The following PRKN variants were observed in gnomAD, a reference collection of about 807,000 sequenced individuals.
PRKN encodes E3 ubiquitin-protein ligase parkin.
In PRKN, 56 loss-of-function variants were observed where a neutral mutation model predicts 59.5. That is an observed-to-expected ratio of 0.94 (90% CI 0.76 to 1.18). The LOEUF (loss-of-function observed/expected upper bound fraction) is 1.18. PRKN is among the 50% of genes most tolerant of loss of function. PRKN has a pLI of 0.00. For synonymous variants in PRKN, 250 were observed against 222.1 expected (o/e 1.13, Z -1.12); for missense variants, 657 against 596.4 (o/e 1.10, Z -1.06).
intron 6 of PRKN, among the ~76,000 whole-genome samples, chr6:161,873,756 C>A (rs1449583366): frequency 6.6e-6 from 1 of 151,168 alleles, no homozygotes; most frequent in Non-Finnish European, 1.5e-5. Flanking sequence ...CCTATTTCCC[C>A]TACTATTAAC....
At chr6:162,180,000 GTGTGTGTA>G (rs1212943368) in intron 4 of PRKN, among the ~76,000 whole-genome samples, 190 of 116,970 alleles carry the variant, frequency 1.6e-3, no homozygotes, top group African/African-American at 4.4e-3. Flanking sequence ...GTGTGTGTGT[GTGTGTGTA>G]TGTGTGTAGC....
chr6:162,529,579 A>G (rs550086766), intron 1 of PRKN, among the ~76,000 whole-genome samples: 1 of 152,292 alleles, frequency 6.6e-6, no homozygotes, highest in African/African-American at 2.4e-5. Flanking sequence ...TGACCCATCC[A>G]GTCTCTCGAA....
chr6:161,547,892 T>G lies in PRKN; in HGVS notation c.1083+962A>C, dbSNP rs1471711757. ...TTCAACTTCCACTTCCTCTACTCCA[T>G]TGCTCAACCCAGGATTTTATGAGCC... is the stretch of plus-strand genomic sequence containing the variant. On this transcript the variant is annotated intron_variant, in intron 9 of 11. Coordinates refer to ENST00000366898, the MANE Select transcript of PRKN (RefSeq NM_004562.3). The surrounding 1 kb of genome is among the most constrained non-coding windows in gnomAD (Gnocchi z 4.0). Among the ~76,000 whole-genome samples, 2 of 152,184 alleles carry G rather than the reference T, an allele frequency of 1.3e-5. No individual in the cohort carries two copies. The highest frequency in any genetic ancestry group is 1.3e-4 in the Admixed American group (2 of 15,278).
chr6:162,532,963 T>C lies in PRKN; in HGVS notation c.8-89490A>G, dbSNP rs1778573072. ...AAAGCAGAAAAGATGCAATAATGTC[T>C]TGGCAATGTCAGTTCCCAAACACTG... is the stretch of plus-strand genomic sequence containing the variant. On this transcript the variant is annotated intron_variant, in intron 1 of 11. Coordinates refer to ENST00000366898, the MANE Select transcript of PRKN (RefSeq NM_004562.3). Among the ~76,000 whole-genome samples the C allele has an allele frequency of 2.0e-5, 3 of 152,248 alleles. 1 individual carries two copies. The South Asian group carries it at 6.2e-4, about 32-fold the overall frequency.
chr6:162,010,019 C>T (rs1054113134), intron 5 of PRKN, among the ~76,000 whole-genome samples: 2 of 151,194 alleles, frequency 1.3e-5, no homozygotes, highest in Non-Finnish European at 2.9e-5. Context: ...GCTAACTTCA[C>T]CTACGCTTGG....
intron 10 of PRKN, among the ~76,000 whole-genome samples, chr6:161,375,557 G>GA (rs1785660920): frequency 6.6e-6 from 1 of 152,250 alleles, no homozygotes; most frequent in African/African-American, 2.4e-5. Flanking sequence ...TACAAACGGC[G>GA]AAACACACAC....
chr6:162,533,307 T>C (rs2128197388), intron 1 of PRKN, among the ~76,000 whole-genome samples: 1 of 152,230 alleles, frequency 6.6e-6, no homozygotes, highest in South Asian at 2.1e-4. Flanking sequence ...GTGGGTCAGT[T>C]GAGGTCAGGA....
At chr6:161,933,249 A>T (rs1033277321) in intron 6 of PRKN, among the ~76,000 whole-genome samples, 3 of 152,214 alleles carry the variant, frequency 2.0e-5, no homozygotes, top group Non-Finnish European at 4.4e-5. Flanking sequence ...ACTGCACTCC[A>T]GCCTGGGTGA....
intron 4 of PRKN, among the ~76,000 whole-genome samples, chr6:162,060,654 T>C (rs4708934): frequency 0.3 from 46,075 of 152,086 alleles, 7,696 homozygotes; most frequent in East Asian, 0.62. Context: ...TCAGACACAG[T>C]CCAGACTGAC....
chr6:162,636,467 G>C (rs1777716890), intron 1 of PRKN, among the ~76,000 whole-genome samples: 2 of 152,164 alleles, frequency 1.3e-5, no homozygotes, highest in African/African-American at 4.8e-5. Flanking sequence ...GGCACAAAGA[G>C]GGTAAAGAGA....
At chr6:162,226,320 C>G (rs1183829257) in intron 3 of PRKN, among the ~76,000 whole-genome samples, 1 of 152,036 alleles carries the variant, frequency 6.6e-6, no homozygotes, top group East Asian at 1.9e-4. Context: ...AGAGTGCTCC[C>G]CTCCAAGGCT....
intron 5 of PRKN, among the ~76,000 whole-genome samples, chr6:162,028,763 T>C (rs1783532349): frequency 6.6e-6 from 1 of 152,150 alleles, no homozygotes; most frequent in African/African-American, 2.4e-5. Flanking sequence ...TGGATATTGG[T>C]GTTTTCACAT....
chr6:162,597,049 G>T (rs1226923788), intron 1 of PRKN, among the ~76,000 whole-genome samples: 10 of 152,184 alleles, frequency 6.6e-5, no homozygotes, highest in Non-Finnish European at 1.5e-5. Flanking sequence ...GGAAATGTTA[G>T]TGAACTAGTT....
At chr6:162,584,524 A>G (rs1336218980) in intron 1 of PRKN, among the ~76,000 whole-genome samples, 5 of 152,136 alleles carry the variant, frequency 3.3e-5, no homozygotes, top group African/African-American at 1.2e-4. Context: ...AATAATCAGA[A>G]TAATTCCCCT....
At chr6:161,815,146 A>G (rs1231943711) in intron 6 of PRKN, among the ~76,000 whole-genome samples, 1 of 152,228 alleles carries the variant, frequency 6.6e-6, no homozygotes, top group Non-Finnish European at 1.5e-5. Context: ...CCTGTGCAGT[A>G]TACAACCTAC....
At chr6:161,967,044 C>G (rs1270482200) in intron 6 of PRKN, among the ~76,000 whole-genome samples, 1 of 152,140 alleles carries the variant, frequency 6.6e-6, no homozygotes, top group Non-Finnish European at 1.5e-5. Context: ...GTTGGCCAGG[C>G]TGGTCTCGAA....
intron 6 of PRKN, among the ~76,000 whole-genome samples, chr6:161,948,768 G>C (rs1779875028): frequency 6.6e-6 from 1 of 152,158 alleles, no homozygotes; most frequent in South Asian, 2.1e-4. Flanking sequence ...GGCAAGAGGG[G>C]ACCCAGACAC....
At chr6:161,917,168 C>G (rs765865728) in intron 6 of PRKN, among the ~76,000 whole-genome samples, 1 of 151,884 alleles carries the variant, frequency 6.6e-6, no homozygotes. Context: ...TGCAATGACA[C>G]GATCTCGGCT....
chr6:161,396,968 C>G lies in PRKN; in HGVS notation c.1084-10091G>C, dbSNP rs114251764. On this transcript the variant is annotated intron_variant, in intron 9 of 11. Transcript: ENST00000366898. The surrounding 1 kb of genome is among the most constrained non-coding windows in gnomAD (Gnocchi z 5.4). Reference sequence around the variant, plus strand: ...CAATCAGTCAAAATGATACATTAACCCTTTATTGTATGTTGAGCAGTCTCA... The same window carrying G: ...CAATCAGTCAAAATGATACATTAACGCTTTATTGTATGTTGAGCAGTCTCA... 2.0e-5 allele frequency among the ~76,000 whole-genome samples: 3 copies of G among 152,136 alleles called. No individual in the cohort carries two copies. The highest frequency in any genetic ancestry group is 4.1e-4 in the South Asian group (2 of 4,830).
Sources: gnomAD v4.1 joint callset for allele counts (sites outside exome capture counted in the v4.1 genomes callset) on GRCh38, gnomAD v4.1.1 for gene constraint, Gnocchi (gnomAD v3.1) non-coding constraint, MANE v1.5 for transcripts, NCBI Gene and HGNC (gene_info 2026-07-23, HGNC 2026-07-21) for gene names.